The following EFCAB13 variants were observed in gnomAD, a reference collection of about 807,000 sequenced individuals.
EFCAB13 encodes the protein EF-hand calcium-binding domain-containing protein 13.
EFCAB13 carries 91 observed loss-of-function variants against 110.2 expected under a neutral mutation model. That is an observed-to-expected ratio of 0.83 (90% CI 0.70 to 0.98). The LOEUF (loss-of-function observed/expected upper bound fraction) is 0.98. Ranked by LOEUF, EFCAB13 falls within the 50% of genes least tolerant of loss-of-function variation. The pLI, the probability that EFCAB13 is intolerant of heterozygous loss-of-function variation, is 0.00. For synonymous variants in EFCAB13, 323 were observed against 369.9 expected, an observed-to-expected ratio of 0.87 and a Z score of 1.45; for missense variants, 968 against 1,119.4, an observed-to-expected ratio of 0.86 and a Z score of 1.93.
intron 10 of EFCAB13, among the ~76,000 whole-genome samples, chr17:47,363,651 T>C (rs2065529381): frequency 1.3e-5 from 2 of 152,116 alleles, no homozygotes; most frequent in South Asian, 4.1e-4. Context: ...CAGTATGAAT[T>C]AAGTAGTTGA....
chr17:47,399,382 A>T (rs561451110), intron 17 of EFCAB13, among the ~76,000 whole-genome samples: 2 of 152,268 alleles, frequency 1.3e-5, no homozygotes, highest in South Asian at 4.1e-4. Flanking sequence ...TTTAGTTCTT[A>T]TTTTAATGCA....
intron 6 of EFCAB13, among the ~76,000 whole-genome samples, chr17:47,343,167 C>G (rs546578683): frequency 6.6e-6 from 1 of 152,188 alleles, no homozygotes; most frequent in South Asian, 2.1e-4. Flanking sequence ...TATAGTTGAT[C>G]TAAATCTGTG....
At chr17:47,382,382 TC>T (rs1315585791) in intron 14 of EFCAB13, among the ~76,000 whole-genome samples, 8 of 152,314 alleles carry the variant, frequency 5.3e-5, no homozygotes, top group African/African-American at 1.9e-4. Flanking sequence ...GGGGAGAACT[TC>T]CAATACTATG....
chr17:47,374,394 G>A, intron 11 of EFCAB13, 78 bp from the exon 12 acceptor site: 1 of 1,195,394 alleles, frequency 8.4e-7, no homozygotes, highest in Non-Finnish European at 1.1e-6. Flanking sequence ...TAGTTTTCAT[G>A]AGGACTTAGT....
intron 9 of EFCAB13, among the ~76,000 whole-genome samples, chr17:47,352,518 T>C (rs2065459196): frequency 6.6e-6 from 1 of 152,200 alleles, no homozygotes; most frequent in South Asian, 2.1e-4. Context: ...TGTCAGGTAA[T>C]GTGATGTCTC....
chr17:47,352,191 C>T (rs890177161), intron 9 of EFCAB13, among the ~76,000 whole-genome samples: 1 of 151,900 alleles, frequency 6.6e-6, no homozygotes, highest in Admixed American at 6.6e-5. Flanking sequence ...CGCGAGCCAC[C>T]ACGCCCGGCC....
chr17:47,400,134 T>C (rs923942636), intron 17 of EFCAB13, among the ~76,000 whole-genome samples: 4 of 152,250 alleles, frequency 2.6e-5, no homozygotes, highest in African/African-American at 9.6e-5. Flanking sequence ...TGATATCTGA[T>C]GTGTTTGAAA....
chr17:47,350,576 C>T (rs1285658737), intron 9 of EFCAB13, among the ~76,000 whole-genome samples: 4 of 151,898 alleles, frequency 2.6e-5, no homozygotes, highest in South Asian at 4.2e-4. Context: ...ATTACTCCCA[C>T]GCCTTTGTTT....
At position 47,434,492 on chromosome 17, in the gene EFCAB13, A is replaced by ACTG. The variant is rs568262205; in HGVS notation, c.2638+4533_2638+4535dup. ...ACTGCCAAAAGCAATCTACAGATTC[A>ACTG]CTGCAATTCCCATCAAAGTACCATG... On this transcript the variant is annotated intron_variant, in intron 24 of 24. Transcript: ENST00000331493. Among the ~76,000 whole-genome samples, 69 of 152,304 alleles carry ACTG rather than the reference A, an allele frequency of 4.5e-4. 3 individuals carry two copies. In the South Asian group the frequency reaches 0.014, roughly 31 times the overall value.
chr17:47,409,558 G>A (rs1181953113), intron 20 of EFCAB13, 89 bp from the exon 21 acceptor site: 4 of 968,204 alleles, frequency 4.1e-6, no homozygotes, highest in Non-Finnish European at 6.5e-6. Flanking sequence ...GGGAAAAGAA[G>A]TATTCAATCT....
At chr17:47,371,380 T>C (rs2065583848) in intron 11 of EFCAB13, among the ~76,000 whole-genome samples, 3 of 152,184 alleles carry the variant, frequency 2.0e-5, no homozygotes, top group Admixed American at 1.3e-4. Flanking sequence ...AAGTCTTTAA[T>C]CCAGCTTGAG....
At chr17:47,337,040 T>G (rs2065355448) in intron 5 of EFCAB13, among the ~76,000 whole-genome samples, 1 of 152,192 alleles carries the variant, frequency 6.6e-6, no homozygotes, top group African/African-American at 2.4e-5. Flanking sequence ...TCCAGAAATC[T>G]GTATTTCACT....
In EFCAB13 at chr17:47,393,997, CA is replaced by C. The variant is rs556053121; in HGVS notation, c.1727-21del. The stretch of plus-strand genomic sequence containing the variant: ...TTTCATAATAATACTTAAAAGATGC[CA>C]AAAAAATGTGTTTCTTTTTCCTGTA... On this transcript the variant is annotated intron_variant, in intron 15 of 24. Transcript: ENST00000331493. 883 of 1,378,540 alleles carry C rather than the reference CA, an allele frequency of 6.4e-4. 3 individuals carry two copies. In the African/African-American group the frequency reaches 0.01, roughly 16 times the overall value. 85.4% of individuals were successfully genotyped at this position (1,378,540 alleles called of 1,614,324 possible). A position where few individuals can be genotyped will look rare whatever the true frequency, so the allele number is the denominator to read the frequency against.
chr17:47,348,944 G>T (rs1243761437), intron 9 of EFCAB13, among the ~76,000 whole-genome samples: 1 of 152,030 alleles, frequency 6.6e-6, no homozygotes, highest in Admixed American at 6.6e-5. Flanking sequence ...TTTCTTTCAT[G>T]AATTGCTTTT....
intron 4 of EFCAB13, among the ~76,000 whole-genome samples, chr17:47,331,058 T>C (rs1360588648): frequency 2.6e-5 from 4 of 152,130 alleles, no homozygotes; most frequent in African/African-American, 9.6e-5. Context: ...TGTTGACCAT[T>C]TGTATATCTT....
chr17:47,369,162 C>T (rs997431983), intron 10 of EFCAB13, among the ~76,000 whole-genome samples: 1 of 152,172 alleles, frequency 6.6e-6, no homozygotes, highest in Non-Finnish European at 1.5e-5. Flanking sequence ...TTTTGATAGA[C>T]CGACTGTGAA....
At chr17:47,330,354 G>A (rs2065312941) in intron 4 of EFCAB13, among the ~76,000 whole-genome samples, 1 of 151,172 alleles carries the variant, frequency 6.6e-6, no homozygotes. Flanking sequence ...AGTGGTTTTT[G>A]GTTACATGGC....
intron 4 of EFCAB13, among the ~76,000 whole-genome samples, chr17:47,330,174 A>G (rs1394670876): frequency 6.9e-6 from 1 of 144,070 alleles, no homozygotes; most frequent in Non-Finnish European, 1.5e-5. Context: ...CTAAACGTTT[A>G]TTGTCACTAA....
intron 9 of EFCAB13, among the ~76,000 whole-genome samples, chr17:47,350,064 G>A (rs997943434): frequency 7.2e-5 from 11 of 152,058 alleles, no homozygotes; most frequent in Admixed American, 3.9e-4. Flanking sequence ...GTGAGCCACC[G>A]TGCCCGGCCT....
Sources: allele counts gnomAD v4.1 joint callset (sites outside exome capture counted in the v4.1 genomes callset), GRCh38; gene constraint gnomAD v4.1.1; transcripts MANE v1.5; gene names NCBI Gene and HGNC (gene_info 2026-07-23, HGNC 2026-07-21).